The following DTNA variants were observed in gnomAD, a reference collection of about 807,000 sequenced individuals.
The protein encoded by DTNA is dystrobrevin alpha, also known as dystrophin-related protein 3.
DTNA carries 43 observed loss-of-function variants against 100.7 expected under a neutral mutation model. The observed-to-expected ratio is 0.43, with a 90% CI of 0.33 to 0.55. The LOEUF is 0.55. Among genes scored for constraint, DTNA ranks in the 20% least tolerant of loss-of-function variants. The pLI is 0.04. For missense variants in DTNA, 798 were observed against 953.9 expected, an observed-to-expected ratio of 0.84 and a Z score of 2.15; for synonymous variants, 349 against 347.9, an observed-to-expected ratio of 1.00 and a Z score of -0.04.
chr18:34,869,913 C>T (rs941944545), intron 17 of DTNA, among the ~76,000 whole-genome samples: 4 of 152,068 alleles, frequency 2.6e-5, no homozygotes, highest in Admixed American at 2.0e-4. Context: ...CCCAGCTACT[C>T]GGGAGGCTGA....
chr18:34,540,809 A>G (rs2044177317), intron 1 of DTNA, among the ~76,000 whole-genome samples: 3 of 152,120 alleles, frequency 2.0e-5, no homozygotes, highest in Admixed American at 1.3e-4. Flanking sequence ...CTGCTTCTCT[A>G]AACCAGACAT....
intron 1 of DTNA, among the ~76,000 whole-genome samples, chr18:34,728,836 G>A (rs2087380616): frequency 6.6e-6 from 1 of 152,140 alleles, no homozygotes; most frequent in Admixed American, 6.5e-5. Flanking sequence ...CACCCCACCA[G>A]CTTCACTTTC....
chr18:34,799,380 T>G (rs951118808), intron 4 of DTNA, among the ~76,000 whole-genome samples: 2 of 152,168 alleles, frequency 1.3e-5, no homozygotes, highest in African/African-American at 4.8e-5. Flanking sequence ...TCTTTCGAAT[T>G]TAAAAAATGA....
intron 1 of DTNA, among the ~76,000 whole-genome samples, chr18:34,530,647 T>C (rs577323098): frequency 6.6e-6 from 1 of 152,266 alleles, no homozygotes; most frequent in Non-Finnish European, 1.5e-5. Flanking sequence ...AAATCTGTGC[T>C]GAGTACTTTT....
At chr18:34,715,299 A>G (rs1055217231) in intron 1 of DTNA, among the ~76,000 whole-genome samples, 1 of 152,188 alleles carries the variant, frequency 6.6e-6, no homozygotes, top group African/African-American at 2.4e-5. Context: ...ACTCATTTCT[A>G]GGAAAGAACA....
At chr18:34,555,543 T>G (rs1295960711) in intron 1 of DTNA, among the ~76,000 whole-genome samples, 2 of 152,234 alleles carry the variant, frequency 1.3e-5, no homozygotes, top group African/African-American at 4.8e-5. Context: ...ACATGCTGCT[T>G]TGAATGCGTC....
At chr18:34,687,590 T>C (rs1600214578) in intron 1 of DTNA, among the ~76,000 whole-genome samples, 1 of 152,208 alleles carries the variant, frequency 6.6e-6, no homozygotes, top group South Asian at 2.1e-4. Context: ...ATAAGTGCTA[T>C]GTGGTGCTGA....
chr18:34,590,063 C>T (rs189460660), intron 1 of DTNA, among the ~76,000 whole-genome samples: 128 of 152,266 alleles, frequency 8.4e-4, no homozygotes, highest in African/African-American at 2.8e-3. Flanking sequence ...CTGCAATGAG[C>T]ATGGAAGTAC....
intron 1 of DTNA, among the ~76,000 whole-genome samples, chr18:34,578,722 G>T (rs1203360853): frequency 6.6e-6 from 1 of 152,040 alleles, no homozygotes; most frequent in Non-Finnish European, 1.5e-5. Flanking sequence ...GTTAAATAGG[G>T]TGTCTTTTTC....
rs975574006 is a variant in DTNA, at chr18:34,888,266, A to AT, written c.*539dup. Reference sequence around the variant, plus strand: ...CAAAACAGTTTATTATACACTGTACATTTTTTTCACAGCAATTGGAAAAAA... The same window carrying AT: ...CAAAACAGTTTATTATACACTGTACATTTTTTTTCACAGCAATTGGAAAAAA... On this transcript the variant is annotated 3_prime_UTR_variant, in exon 23 of 23. Transcript: ENST00000444659. 17 of 985,640 alleles carry AT rather than the reference A, an allele frequency of 1.7e-5. No homozygotes were observed. The highest frequency in any genetic ancestry group is 3.5e-5 in the African/African-American group (2 of 57,206). 61.1% of individuals were successfully genotyped at this position (985,640 alleles called of 1,614,324 possible).
At chr18:34,512,164 A>G (rs905202746) in intron 1 of DTNA, among the ~76,000 whole-genome samples, 2 of 152,012 alleles carry the variant, frequency 1.3e-5, no homozygotes, top group Non-Finnish European at 2.9e-5. Context: ...AGACTTTGTT[A>G]TAGGTTTAGG....
rs192798389 is a variant in DTNA, at chr18:34,550,859, A to G, written c.-2+57345A>G. Among the ~76,000 whole-genome samples the G allele has an allele frequency of 3.3e-3, 500 of 152,234 alleles. 1 individual carries two copies. The highest frequency in any genetic ancestry group is 0.012 in the African/African-American group (480 of 41,550). The stretch of plus-strand genomic sequence containing the variant: ...TAAAGGAAAAAAATTTCATTTTCCT[A>G]TTATATTTTGCTTTGTCCTCACTTT... On this transcript the variant is annotated intron_variant, in intron 1 of 19. Coordinates refer to the DTNA transcript ENST00000283365.
At chr18:34,671,821 A>C (rs2076797337) in intron 1 of DTNA, among the ~76,000 whole-genome samples, 1 of 152,142 alleles carries the variant, frequency 6.6e-6, no homozygotes, top group Admixed American at 6.6e-5. Flanking sequence ...GTTATACCAG[A>C]TCACACTGTA....
chr18:34,561,362 C>T (rs1413826854), intron 1 of DTNA, among the ~76,000 whole-genome samples: 2 of 152,106 alleles, frequency 1.3e-5, no homozygotes, highest in Non-Finnish European at 2.9e-5. Context: ...GAAATCACTA[C>T]TCTCTCAGGA....
At chr18:34,742,636 A>ATCTATCTAGATAGATAGATAATCTATTG (rs1601243962) in intron 1 of DTNA, among the ~76,000 whole-genome samples, 1 of 152,098 alleles carries the variant, frequency 6.6e-6, no homozygotes, top group African/African-American at 2.4e-5. Flanking sequence ...ATCTTCTATT[A>ATCTATCTAGATAGATAGATAATCTATTG]TCTATCTAGA....
intron 1 of DTNA, among the ~76,000 whole-genome samples, chr18:34,576,532 C>A (rs569688528): frequency 6.6e-6 from 1 of 152,242 alleles, no homozygotes; most frequent in South Asian, 2.1e-4. Context: ...GTGGTGTGAT[C>A]ACTCCAACCT....
chr18:34,757,993 A>T (rs1321208564), intron 2 of DTNA, among the ~76,000 whole-genome samples: 2 of 152,252 alleles, frequency 1.3e-5, no homozygotes, highest in Admixed American at 1.3e-4. Context: ...TAAGTAGGGC[A>T]CATCCACAAT....
intron 1 of DTNA, among the ~76,000 whole-genome samples, chr18:34,537,281 T>C (rs1601607887): frequency 5.3e-5 from 8 of 152,026 alleles, no homozygotes; most frequent in Admixed American, 4.6e-4. Flanking sequence ...CAGAGTCTAT[T>C]TGTAATTTTC....
At chr18:34,782,952 T>A (rs945691906) in intron 3 of DTNA, among the ~76,000 whole-genome samples, 4 of 152,166 alleles carry the variant, frequency 2.6e-5, no homozygotes, top group Non-Finnish European at 4.4e-5. Flanking sequence ...GGCACTAGAA[T>A]GTAGGGAATG....
Sources: allele counts gnomAD v4.1 joint callset (sites outside exome capture counted in the v4.1 genomes callset), GRCh38; gene constraint gnomAD v4.1.1; transcripts MANE v1.5; gene names NCBI Gene and HGNC (gene_info 2026-07-23, HGNC 2026-07-21).